AOX1: variants seen among roughly 807,000 people sequenced by gnomAD.
AOX1 encodes the protein aldehyde oxidase 1.
Under a neutral mutation model 169.5 loss-of-function variants are expected in AOX1, and 153 were observed. The ratio of observed to expected loss-of-function variants is 0.90; its 90% CI spans 0.79 to 1.03. AOX1 has a LOEUF of 1.03. Among genes scored for constraint, AOX1 ranks in the 50% least tolerant of loss-of-function variants. The pLI, the probability that AOX1 is intolerant of heterozygous loss-of-function variation, is 0.00. For missense variants in AOX1, 1,656 were observed against 1,663.9 expected, an observed-to-expected ratio of 1.00 and a Z score of 0.08; for synonymous variants, 562 against 581.9, an observed-to-expected ratio of 0.97 and a Z score of 0.49.
chr2:200,591,216 A>G (rs971606730), intron 1 of AOX1, among the ~76,000 whole-genome samples: 2 of 152,238 alleles, frequency 1.3e-5, no homozygotes, highest in African/African-American at 4.8e-5. Flanking sequence ...ACAGCAGAAG[A>G]TGGCTTCTTT....
intron 16 of AOX1, among the ~76,000 whole-genome samples, chr2:200,619,459 G>A (rs981187610): frequency 2.6e-5 from 4 of 152,140 alleles, no homozygotes; most frequent in African/African-American, 9.7e-5. Context: ...TTACAGATGG[G>A]GGTACCCACC....
chr2:200,640,971 A>G, intron 23 of AOX1, 127 bp from the exon 24 acceptor site: 1 of 637,984 alleles, frequency 1.6e-6, no homozygotes. Flanking sequence ...GTTATATACT[A>G]TCCGAGAAAT....
chr2:200,602,537 C>T (rs923273022), intron 6 of AOX1, among the ~76,000 whole-genome samples, 192 bp downstream of exon 6: 9 of 152,036 alleles, frequency 5.9e-5, no homozygotes, highest in South Asian at 2.1e-4. Context: ...CCTTGGTGGT[C>T]GCATAATGAA....
intron 20 of AOX1, among the ~76,000 whole-genome samples, chr2:200,632,889 TC>T (rs1369498914): frequency 6.6e-6 from 1 of 150,800 alleles, no homozygotes; most frequent in Non-Finnish European, 1.5e-5. Context: ...CTTTTTTTTT[TC>T]TTTCTTTCTT....
At chr2:200,636,454 A>G (rs1559248802) in intron 21 of AOX1, among the ~76,000 whole-genome samples, 1 of 152,060 alleles carries the variant, frequency 6.6e-6, no homozygotes, top group Non-Finnish European at 1.5e-5. Context: ...TCCAGTAGAG[A>G]CAGTAGAATG....
At position 200,609,092 on chromosome 2, in the gene AOX1, A is replaced by G; in HGVS notation, c.1016A>G (p.Lys339Arg). ...EKTQMYHALL[K>R]HLGTLAGSQI... ...ACACAGATGTACCATGCTCTCCTGA[A>G]GCATTTGGGAACTCTGGCTGGGTCC... The change falls in exon 11 of 35, where the codon AAG (lysine) becomes AGG (arginine). Residue 339 changes from lysine (K) to arginine (R), a missense_variant. By Grantham distance (26) the Lys-to-Arg change is conservative. Transcript: ENST00000374700. 2 of 1,614,060 alleles carry G rather than the reference A, an allele frequency of 1.2e-6. No individual in the cohort carries two copies.
chr2:200,612,881 C>A, intron 14 of AOX1, 88 bp downstream of exon 14: 1 of 1,091,152 alleles, frequency 9.2e-7, no homozygotes, highest in Non-Finnish European at 1.3e-6. Flanking sequence ...GATGTGATTA[C>A]AAGAAGAAAA....
chr2:200,603,027 G>A (rs1000743367), intron 6 of AOX1, among the ~76,000 whole-genome samples: 2 of 151,938 alleles, frequency 1.3e-5, no homozygotes, highest in African/African-American at 4.8e-5. Flanking sequence ...TATGTGCCAC[G>A]CTTAGTTATA....
At position 200,657,192 on chromosome 2, in the gene AOX1, T is replaced by TATA. The variant is rs1559258569; in HGVS notation, c.3171+255_3171+256insATA. Reference sequence around the variant, plus strand: ...TATATATATATATATATATATATATTTTTTTTTTTTTTTAATTAGCAGGGC... The same window carrying TATA: ...TATATATATATATATATATATATATTATATTTTTTTTTTTTTAATTAGCAGGGC... On this transcript the variant is annotated intron_variant, in intron 27 of 34. Transcript: ENST00000374700. Among the ~76,000 whole-genome samples the TATA allele has an allele frequency of 9.8e-3, 674 of 68,792 alleles. 7 individuals are homozygous for TATA. Among genetic ancestry groups the TATA allele is most frequent in the Non-Finnish European group, 0.014 (454 of 32,852 alleles). 45.1% of individuals were successfully genotyped at this position (68,792 alleles called of 152,430 possible).
intron 25 of AOX1, among the ~76,000 whole-genome samples, chr2:200,643,962 C>G (rs1452021015): frequency 1.3e-5 from 2 of 151,602 alleles, no homozygotes; most frequent in Non-Finnish European, 1.5e-5. Context: ...GATATTAGTC[C>G]TTTGTCAGAT....
intron 10 of AOX1, among the ~76,000 whole-genome samples, chr2:200,607,984 G>A (rs918496888): frequency 6.6e-6 from 1 of 152,140 alleles, no homozygotes; most frequent in Admixed American, 6.5e-5. Flanking sequence ...GGGAGCAAGG[G>A]AAGGGAGAGC....
At chr2:200,610,741 T>A (rs572406472) in intron 12 of AOX1, among the ~76,000 whole-genome samples, 2 of 152,312 alleles carry the variant, frequency 1.3e-5, no homozygotes, top group East Asian at 3.9e-4. Context: ...TCCCTACTTG[T>A]AAAGTTTTAA....
chr2:200,624,237 T>C (rs1241375068), intron 19 of AOX1, among the ~76,000 whole-genome samples: 1 of 152,234 alleles, frequency 6.6e-6, no homozygotes, highest in Non-Finnish European at 1.5e-5. Context: ...CAACCTGGAC[T>C]TCCTTGTTCA....
intron 4 of AOX1, among the ~76,000 whole-genome samples, chr2:200,599,309 C>G (rs912612903): frequency 2.6e-5 from 4 of 152,106 alleles, no homozygotes; most frequent in Admixed American, 6.6e-5. Context: ...ATGCCCGTGC[C>G]CCATTCCCAG....
At chr2:200,665,106 G>A (rs2035901152) in intron 31 of AOX1, among the ~76,000 whole-genome samples, 1 of 152,244 alleles carries the variant, frequency 6.6e-6, no homozygotes, top group South Asian at 2.1e-4. Flanking sequence ...TAGGCTGCCT[G>A]AGTGTCCTCA....
At chr2:200,628,611 T>C (rs1017141806) in intron 20 of AOX1, among the ~76,000 whole-genome samples, 8 of 152,148 alleles carry the variant, frequency 5.3e-5, no homozygotes, top group African/African-American at 1.7e-4. Context: ...TCCAGGGCAT[T>C]GGCCTCTAGT....
intron 26 of AOX1, 47 bp from the exon 27 acceptor site, chr2:200,656,795 A>G (rs752047523): frequency 5.2e-5 from 69 of 1,316,072 alleles, no homozygotes; most frequent in Non-Finnish European, 6.5e-5. Flanking sequence ...ACGATATGTG[A>G]TAATATCAAA....
intron 1 of AOX1, among the ~76,000 whole-genome samples, chr2:200,589,231 C>T (rs1384707974): frequency 1.3e-5 from 2 of 152,128 alleles, no homozygotes; most frequent in South Asian, 2.1e-4. Context: ...TGGCCAGGGA[C>T]CTAGTTGCAG....
chr2:200,652,224 T>C (rs1019213164), intron 26 of AOX1, among the ~76,000 whole-genome samples: 2 of 152,172 alleles, frequency 1.3e-5, no homozygotes, highest in African/African-American at 4.8e-5. Context: ...AGTTGAGCTT[T>C]GGTGCCATCC....
Sources: gnomAD v4.1 joint callset for allele counts (sites outside exome capture counted in the v4.1 genomes callset) on GRCh38, gnomAD v4.1.1 for gene constraint, MANE v1.5 for transcripts, NCBI Gene and HGNC (gene_info 2026-07-23, HGNC 2026-07-21) for gene names.